The following MBNL2 variants were observed in gnomAD, a reference collection of about 807,000 sequenced individuals.
MBNL2 encodes muscleblind like splicing regulator 2.
MBNL2 carries 17 observed loss-of-function variants against 41.9 expected under a neutral mutation model. The observed-to-expected ratio is 0.41, with a 90% CI of 0.28 to 0.61. The LOEUF is 0.61. Among genes scored for constraint, MBNL2 ranks in the 20% least tolerant of loss-of-function variants. MBNL2 has a pLI of 0.35. For missense variants in MBNL2, 336 were observed against 505.6 expected, an observed-to-expected ratio of 0.66 and a Z score of 3.22; for synonymous variants, 195 against 182.9, an observed-to-expected ratio of 1.07 and a Z score of -0.53.
chr13:97,357,685 T>C lies in MBNL2; in HGVS notation c.1012+50T>C, dbSNP rs776503929. ...CCTGTGCCCTTCTGGTCATGTGCTT[T>C]CTTCTCATTTCTCTAAGCTGTTTGG... On this transcript the variant is annotated intron_variant, in intron 7 of 8. Transcript: ENST00000679496. 9.0e-6 allele frequency: 14 copies of C among 1,563,032 alleles called. No homozygotes were observed. In the Admixed American group the frequency reaches 1.8e-4, roughly 20 times the overall value.
chr13:97,351,523 T>A (rs1400100083), intron 5 of MBNL2, among the ~76,000 whole-genome samples: 1 of 152,226 alleles, frequency 6.6e-6, no homozygotes, highest in African/African-American at 2.4e-5. Flanking sequence ...GTGGCCACCT[T>A]CATCAGTGAT....
At chr13:97,303,454 G>A (rs2153005262) in intron 2 of MBNL2, among the ~76,000 whole-genome samples, 1 of 152,310 alleles carries the variant, frequency 6.6e-6, no homozygotes, top group African/African-American at 2.4e-5. Flanking sequence ...GAAGGTGCCA[G>A]GGTCAGAGAC....
At chr13:97,351,384 C>T (rs540775796) in intron 5 of MBNL2, among the ~76,000 whole-genome samples, 1 of 152,322 alleles carries the variant, frequency 6.6e-6, no homozygotes, top group East Asian at 1.9e-4. Flanking sequence ...TCACCAGCTG[C>T]ATTAGCTTCT....
chr13:97,352,293 G>A (rs777475150), intron 5 of MBNL2, among the ~76,000 whole-genome samples: 3 of 152,112 alleles, frequency 2.0e-5, no homozygotes, highest in Non-Finnish European at 2.9e-5. Flanking sequence ...CTTGGCTTTC[G>A]ACATGCCTTC....
In MBNL2 at chr13:97,346,837, C is replaced by G; in HGVS notation, c.574C>G (p.Arg192Gly). 6.2e-7 allele frequency: 1 copy of G among 1,614,042 alleles called. No individual in the cohort carries two copies. The highest frequency in any genetic ancestry group is 8.5e-7 in the Non-Finnish European group (1 of 1,179,924). The change falls in exon 5 of 9, where the codon CGG (arginine) becomes GGG (glycine). Residue 192 changes from arginine to glycine, a missense_variant. Transcript: ENST00000679496. The surrounding 1 kb of genome is among the most constrained non-coding windows in gnomAD (Gnocchi z 4.2). ...CREFQRGNCARGETDCRFAHP... is the reference protein window; with the variant it reads ...CREFQRGNCAGGETDCRFAHP... Reference sequence around the variant, plus strand: ...GGAGTTCCAGCGAGGAAACTGTGCCCGGGGAGAGACCGACTGCCGCTTTGC... The same window carrying G: ...GGAGTTCCAGCGAGGAAACTGTGCCGGGGGAGAGACCGACTGCCGCTTTGC...
intron 2 of MBNL2, among the ~76,000 whole-genome samples, chr13:97,303,875 A>G (rs988518584): frequency 3.3e-5 from 5 of 152,246 alleles, no homozygotes; most frequent in African/African-American, 1.2e-4. Flanking sequence ...TTAAATTGAA[A>G]TTCTACCAGG....
At chr13:97,247,979 A>G (rs2045802774) in intron 1 of MBNL2, among the ~76,000 whole-genome samples, 1 of 152,222 alleles carries the variant, frequency 6.6e-6, no homozygotes, top group African/African-American at 2.4e-5. Flanking sequence ...GTTCTGGTTT[A>G]GTGTTTTAAT....
chr13:97,243,829 A>G (rs151062417), intron 1 of MBNL2, among the ~76,000 whole-genome samples: 35 of 152,282 alleles, frequency 2.3e-4, no homozygotes, highest in African/African-American at 8.2e-4. Context: ...CTCATCCTGG[A>G]TAGGGCTGGG....
chr13:97,243,315 T>C (rs548566498), intron 1 of MBNL2, among the ~76,000 whole-genome samples: 1 of 152,238 alleles, frequency 6.6e-6, no homozygotes, highest in East Asian at 1.9e-4. Flanking sequence ...AAACCCTAAG[T>C]GAGTAGCCAG....
chr13:97,242,076 G>T (rs545586168), intron 1 of MBNL2, among the ~76,000 whole-genome samples: 1 of 152,048 alleles, frequency 6.6e-6, no homozygotes, highest in Admixed American at 6.6e-5. Flanking sequence ...CCCACAACTC[G>T]GAGAAGGTGT....
At chr13:97,232,361 A>G (rs2042503520) in intron 1 of MBNL2, among the ~76,000 whole-genome samples, 1 of 152,178 alleles carries the variant, frequency 6.6e-6, no homozygotes, top group Admixed American at 6.5e-5. Context: ...ATTTTTATGC[A>G]TTTTTAATTT....
the MBNL2 span, among the ~76,000 whole-genome samples, chr13:97,205,034 T>A: frequency 6.6e-6 from 1 of 151,738 alleles, no homozygotes. Context: ...TAGCTGGGCA[T>A]GGTGGCACGC....
chr13:97,142,545 C>T, the MBNL2 span, among the ~76,000 whole-genome samples: 1 of 152,208 alleles, frequency 6.6e-6, no homozygotes, highest in Non-Finnish European at 1.5e-5. Context: ...GGTGTTCATC[C>T]CTACATATTC....
At position 97,285,680 on chromosome 13, in the gene MBNL2, T is replaced by C. The variant is rs75799437; in HGVS notation, c.174+9271T>C. ...ACCTCTGAAATAAACAAATACATAT[T>C]GATCACGTGCTCCTAAACACTGGGA... On this transcript the variant is annotated intron_variant, in intron 2 of 8. Transcript: ENST00000679496. Among the ~76,000 whole-genome samples, 5 of 152,336 alleles carry C rather than the reference T, an allele frequency of 3.3e-5. No homozygotes were observed. In the East Asian group the frequency reaches 9.6e-4, roughly 29 times the overall value.
chr13:97,264,168 C>T (rs2049254611), intron 1 of MBNL2, among the ~76,000 whole-genome samples: 1 of 151,786 alleles, frequency 6.6e-6, no homozygotes, highest in Non-Finnish European at 1.5e-5. Context: ...GCTGGGACTA[C>T]AGGTTCCCGC....
intron 2 of MBNL2, among the ~76,000 whole-genome samples, chr13:97,278,972 A>C (rs573365809): frequency 7.2e-5 from 11 of 152,314 alleles, no homozygotes; most frequent in Admixed American, 5.9e-4. Context: ...TAAAAGGAGG[A>C]TATTCAGCAG....
chr13:97,262,170 T>C (rs1391735677), intron 1 of MBNL2, among the ~76,000 whole-genome samples: 1 of 152,050 alleles, frequency 6.6e-6, no homozygotes, highest in Non-Finnish European at 1.5e-5. Flanking sequence ...GAGCAGAGAG[T>C]GCAATCCCTG....
At chr13:97,372,087 A>G (rs927087155) in intron 8 of MBNL2, among the ~76,000 whole-genome samples, 1 of 152,222 alleles carries the variant, frequency 6.6e-6, no homozygotes, top group Admixed American at 6.5e-5. Flanking sequence ...TCAGAGCTCT[A>G]TGGACAGTGA....
intron 8 of MBNL2, among the ~76,000 whole-genome samples, chr13:97,374,273 G>A (rs1468375145): frequency 5.3e-5 from 8 of 151,046 alleles, no homozygotes; most frequent in East Asian, 1.9e-4. Flanking sequence ...TCAGCCTCCC[G>A]AGTAGCTGGG....
Sources: allele counts gnomAD v4.1 joint callset (sites outside exome capture counted in the v4.1 genomes callset), GRCh38; gene constraint gnomAD v4.1.1; non-coding constraint Gnocchi (gnomAD v3.1); transcripts MANE v1.5; gene names NCBI Gene and HGNC (gene_info 2026-07-23, HGNC 2026-07-21).